LRFN5: variants seen among roughly 807,000 people sequenced by gnomAD.
LRFN5 encodes leucine rich repeat and fibronectin type III domain containing 5, also known as leucine-rich repeat and fibronectin type-III domain-containing protein 5.
Under a neutral mutation model 45.6 loss-of-function variants are expected in LRFN5, and 24 were observed. The observed-to-expected ratio is 0.53, with a 90% CI of 0.38 to 0.74. The LOEUF (loss-of-function observed/expected upper bound fraction) is 0.74, where lower values mean the gene tolerates loss of function less well. Among genes scored for constraint, LRFN5 ranks in the 30% least tolerant of loss-of-function variants. The pLI, the probability that LRFN5 is intolerant of heterozygous loss-of-function variation, is 0.00. For synonymous variants in LRFN5, 340 were observed against 313.8 expected, an observed-to-expected ratio of 1.08 and a Z score of -0.88; for missense variants, 776 against 861.5, an observed-to-expected ratio of 0.90 and a Z score of 1.24.
chr14:41,844,014 G>T (rs1165908708), intron 2 of LRFN5, among the ~76,000 whole-genome samples: 1 of 152,120 alleles, frequency 6.6e-6, no homozygotes, highest in African/African-American at 2.4e-5. Flanking sequence ...CAATGGAGGT[G>T]AATAGATACT....
intron 3 of LRFN5, 90 bp from the exon 4 acceptor site, chr14:41,891,160 T>G: frequency 1.0e-6 from 1 of 969,066 alleles, no homozygotes; most frequent in East Asian, 2.4e-5. Flanking sequence ...TTAATGATAC[T>G]GAAATGACAC....
chr14:41,749,960 C>A (rs1055211686), intron 1 of LRFN5, among the ~76,000 whole-genome samples: 1 of 151,926 alleles, frequency 6.6e-6, no homozygotes, highest in Non-Finnish European at 1.5e-5. Flanking sequence ...AAAATGGTAA[C>A]TTTTAGTTAA....
At chr14:41,884,258 C>T (rs566340379) in intron 2 of LRFN5, among the ~76,000 whole-genome samples, 4 of 152,178 alleles carry the variant, frequency 2.6e-5, no homozygotes, top group African/African-American at 9.7e-5. Context: ...TGTATTTATT[C>T]ACTTCCAATG....
chr14:41,858,920 T>C lies in LRFN5; in HGVS notation c.-20-27686T>C, dbSNP rs916259070. Among the ~76,000 whole-genome samples, 23 of 152,312 alleles carry C rather than the reference T, an allele frequency of 1.5e-4. 1 individual carries two copies. The highest frequency in any genetic ancestry group is 5.0e-4 in the African/African-American group (21 of 41,586). On this transcript the variant is annotated intron_variant, in intron 2 of 5. Coordinates refer to ENST00000298119, the MANE Select transcript of LRFN5 (RefSeq NM_152447.5). ...TTCTTTAGTTTTCCTTCCAAATGGT[T>C]CCCATACAAATCCTGCCCTGGAGTA...
At chr14:41,726,673 C>G (rs1445764766) in intron 1 of LRFN5, among the ~76,000 whole-genome samples, 1 of 151,998 alleles carries the variant, frequency 6.6e-6, no homozygotes, top group Non-Finnish European at 1.5e-5. Context: ...AGAAATCTAT[C>G]ACTCTGAAAC....
At position 41,799,190 on chromosome 14, in the gene LRFN5, G is replaced by A. The variant is rs564588549; in HGVS notation, c.-21+32161G>A. ...CATAAATTGCTGGTTGTTGCACTGG[G>A]CCAAGGGATCACTAAACGTCAGAAT... On this transcript the variant is annotated intron_variant, in intron 2 of 5. Transcript: ENST00000298119. Among the ~76,000 whole-genome samples, 4 of 152,082 alleles carry A rather than the reference G, an allele frequency of 2.6e-5. No homozygotes were observed. In the East Asian group the frequency reaches 7.7e-4, roughly 29 times the overall value.
intron 1 of LRFN5, among the ~76,000 whole-genome samples, chr14:41,744,059 A>G (rs61992397): frequency 0.17 from 25,229 of 152,094 alleles, 2,194 homozygotes; most frequent in Admixed American, 0.19. Flanking sequence ...TACACAAAAG[A>G]AAATGAGAAA....
At chr14:41,620,274 G>T (rs992025530) in intron 1 of LRFN5, among the ~76,000 whole-genome samples, 1 of 152,028 alleles carries the variant, frequency 6.6e-6, no homozygotes. Context: ...AACTAACCGG[G>T]ATATTTTAAA....
chr14:41,670,302 TATAC>T lies in LRFN5; in HGVS notation c.-197+61742_-197+61745del, dbSNP rs1341625033. On this transcript the variant is annotated intron_variant, in intron 1 of 5. Coordinates refer to ENST00000298119, the MANE Select transcript of LRFN5 (RefSeq NM_152447.5). ...ATATATATATATATATATATATATA[TATAC>T]ACACACACAGAAAGAACCCCTGGAA... Among the ~76,000 whole-genome samples, 472 of 18,232 alleles carry T rather than the reference TATAC, an allele frequency of 0.026. 2 individuals carry two copies. In the East Asian group the frequency reaches 0.3, roughly 11 times the overall value. 12.0% of individuals were successfully genotyped at this position (18,232 alleles called of 152,430 possible).
At chr14:41,900,455 A>G (rs1891068984) in intron 5 of LRFN5, among the ~76,000 whole-genome samples, 1 of 152,088 alleles carries the variant, frequency 6.6e-6, no homozygotes, top group South Asian at 2.1e-4. Context: ...TGATACATAT[A>G]TAAGGCTTTG....
chr14:41,719,605 T>C (rs1345323813), intron 1 of LRFN5, among the ~76,000 whole-genome samples: 2 of 152,054 alleles, frequency 1.3e-5, no homozygotes, highest in Non-Finnish European at 2.9e-5. Flanking sequence ...CACTGCATTC[T>C]GTCTAATCAC....
intron 1 of LRFN5, among the ~76,000 whole-genome samples, chr14:41,709,365 C>T (rs919771257): frequency 6.6e-6 from 1 of 151,980 alleles, no homozygotes; most frequent in African/African-American, 2.4e-5. Context: ...CTAACCTGCT[C>T]TGTACATTTT....
chr14:41,731,231 T>C (rs1375525312), intron 1 of LRFN5: 1 of 152,070 alleles, frequency 6.6e-6, no homozygotes, highest in African/African-American at 2.4e-5. Flanking sequence ...TTTGGGTTTT[T>C]ATTTATATTT....
chr14:41,660,776 G>A (rs977166161), intron 1 of LRFN5, among the ~76,000 whole-genome samples: 16 of 151,286 alleles, frequency 1.1e-4, no homozygotes, highest in Non-Finnish European at 2.1e-4. Flanking sequence ...TGATTCTGAT[G>A]CATGTGGCCC....
chr14:41,733,774 T>C (rs1884283503), intron 1 of LRFN5: 1 of 151,790 alleles, frequency 6.6e-6, no homozygotes, highest in African/African-American at 2.4e-5. Flanking sequence ...CTCTGGTTGG[T>C]AACTCTAAAT....
chr14:41,759,540 G>T (rs1350902989), intron 1 of LRFN5, among the ~76,000 whole-genome samples: 1 of 147,596 alleles, frequency 6.8e-6, no homozygotes, highest in African/African-American at 2.5e-5. Flanking sequence ...TATTTTATTG[G>T]CTAATAAAGG....
intron 2 of LRFN5, among the ~76,000 whole-genome samples, chr14:41,834,728 C>T (rs1190324462): frequency 6.6e-6 from 1 of 151,884 alleles, no homozygotes; most frequent in Non-Finnish European, 1.5e-5. Flanking sequence ...GTGGCACAAT[C>T]AAGGCTTACT....
chr14:41,778,590 A>G (rs965541674), intron 2 of LRFN5, among the ~76,000 whole-genome samples: 3 of 151,710 alleles, frequency 2.0e-5, no homozygotes, highest in Non-Finnish European at 3.0e-5. Flanking sequence ...ACATTTAATG[A>G]AGAAAGGTTT....
At chr14:41,625,775 AT>A (rs1481492698) in intron 1 of LRFN5, among the ~76,000 whole-genome samples, 2 of 152,290 alleles carry the variant, frequency 1.3e-5, no homozygotes, top group East Asian at 1.9e-4. Flanking sequence ...GGTAAAAAAA[AT>A]GTCAAGTACA....
Sources: gnomAD v4.1 joint callset for allele counts (sites outside exome capture counted in the v4.1 genomes callset) on GRCh38, gnomAD v4.1.1 for gene constraint, MANE v1.5 for transcripts, NCBI Gene and HGNC (gene_info 2026-07-23, HGNC 2026-07-21) for gene names.